The following ERICH6 variants were observed in gnomAD, a reference collection of about 807,000 sequenced individuals.
ERICH6 encodes glutamate-rich protein 6.
A neutral mutation model predicts 71.0 loss-of-function variants in ERICH6; 71 were observed. The ratio of observed to expected loss-of-function variants is 1.00; its 90% CI spans 0.83 to 1.22. ERICH6 has a LOEUF of 1.22. Ranked by LOEUF, ERICH6 falls within the 50% of genes most tolerant of loss-of-function variation. The probability of loss-of-function intolerance (pLI) is 0.00; values close to 1 mark genes in which losing one functional copy is unlikely to be tolerated. For missense variants in ERICH6, 808 were observed against 797.2 expected (o/e 1.01, Z -0.16); for synonymous variants, 262 against 278.4 (o/e 0.94, Z 0.59).
chr3:150,688,127 A>C (rs1164049981), intron 3 of ERICH6, among the ~76,000 whole-genome samples: 2 of 152,184 alleles, frequency 1.3e-5, no homozygotes, highest in African/African-American at 4.8e-5. Context: ...CAAAAAGTAA[A>C]TAAACAAATA....
At chr3:150,682,390 C>T (rs879169393) in intron 6 of ERICH6, 74 bp from the exon 7 acceptor site, 41 of 1,069,162 alleles carry the variant, frequency 3.8e-5, no homozygotes, top group Middle Eastern at 2.0e-4. Context: ...AGCAGGAGCA[C>T]GACCCTGGGC....
rs1559924503 is a variant in ERICH6, at chr3:150,703,746, C to CTCCTCCTCCACCTCTTCCTCT, written c.152_153insAGAGGAAGAGGTGGAGGAGGA (p.Glu49_Val55dup). The CTCCTCCTCCACCTCTTCCTCT allele has an allele frequency of 6.3e-7, 1 of 1,592,252 alleles. No homozygotes were observed. The highest frequency in any genetic ancestry group is 8.5e-7 in the Non-Finnish European group (1 of 1,170,578). On this transcript the variant is annotated inframe_insertion, in exon 1 of 14. Transcript: ENST00000295910. Reference sequence around the variant, plus strand: ...ACTCCTCCTCCACCACCTCCTCCTCCTCCTCCTCCACCTCTTCCTCCTCCT... The same window carrying CTCCTCCTCCACCTCTTCCTCT: ...ACTCCTCCTCCACCACCTCCTCCTCCTCCTCCTCCACCTCTTCCTCTTCCTCCTCCACCTCTTCCTCCTCCT...
intron 13 of ERICH6, among the ~76,000 whole-genome samples, chr3:150,660,470 G>T (rs1015493614): frequency 5.3e-5 from 8 of 152,208 alleles, no homozygotes; most frequent in Non-Finnish European, 1.2e-4. Context: ...AAAGTACCCA[G>T]TGGGGGAGGT....
intron 3 of ERICH6, 74 bp downstream of exon 3, chr3:150,698,717 G>A (rs924488134): frequency 2.4e-5 from 30 of 1,229,954 alleles, no homozygotes; most frequent in Non-Finnish European, 3.2e-5. Context: ...TAGCTGTACT[G>A]GCCTTCTACA....
intron 12 of ERICH6, among the ~76,000 whole-genome samples, chr3:150,668,702 G>T (rs986969762): frequency 6.6e-5 from 10 of 152,110 alleles, no homozygotes; most frequent in African/African-American, 2.4e-4. Context: ...AGTTCAAAAA[G>T]TTTAAATTGT....
chr3:150,683,815 C>T (rs1259487637), intron 6 of ERICH6, among the ~76,000 whole-genome samples: 1 of 152,046 alleles, frequency 6.6e-6, no homozygotes, highest in Non-Finnish European at 1.5e-5. Context: ...TGGATCTTCA[C>T]CTGAAGAGGG....
chr3:150,703,668 GTAC>G lies in ERICH6; in HGVS notation c.228_230del (p.Glu76_Tyr77delinsAsp). The stretch of plus-strand genomic sequence containing the variant: ...CACCGATGTCCGTGACCTTCCAGAG[GTAC>G]TCTTCGCTGAACGTCTCAGGGGCCT... On this transcript the variant is annotated inframe_deletion, in exon 1 of 14. Coordinates refer to ENST00000295910, the MANE Select transcript of ERICH6 (RefSeq NM_152394.5). 1 of 1,613,446 alleles carries G rather than the reference GTAC, an allele frequency of 6.2e-7. No individual in the cohort carries two copies. Among genetic ancestry groups the G allele is most frequent in the Middle Eastern group, 1.7e-4 (1 of 6,060 alleles).
chr3:150,675,105 C>A (rs944154768), intron 10 of ERICH6, among the ~76,000 whole-genome samples: 7 of 152,150 alleles, frequency 4.6e-5, no homozygotes, highest in African/African-American at 1.7e-4. Flanking sequence ...TGAACTCCAG[C>A]CTGGGCAACA....
chr3:150,673,666 G>T, intron 11 of ERICH6, among the ~76,000 whole-genome samples: 1 of 152,122 alleles, frequency 6.6e-6, no homozygotes, highest in Non-Finnish European at 1.5e-5. Flanking sequence ...TCAGTTCACT[G>T]CAGCCTCTAC....
Position 150,666,399 on chromosome 3 carries a change from A to T in ERICH6, c.1728+388T>A, listed in dbSNP as rs139191292. ...AGGTCTGGGAAGTGTCTCTAAGGAG[A>T]CAGGGCTTATGATTGGTCTTGAACA... is the stretch of plus-strand genomic sequence containing the variant. On this transcript the variant is annotated intron_variant, in intron 13 of 13. Coordinates refer to ENST00000295910, the MANE Select transcript of ERICH6 (RefSeq NM_152394.5). Among the ~76,000 whole-genome samples, 33 of 152,296 alleles carry T rather than the reference A, an allele frequency of 2.2e-4. No individual in the cohort carries two copies. The East Asian group carries it at 5.6e-3, about 26-fold the overall frequency.
chr3:150,695,408 T>C (rs934250492), intron 3 of ERICH6, among the ~76,000 whole-genome samples: 6 of 151,996 alleles, frequency 3.9e-5, no homozygotes, highest in African/African-American at 1.2e-4. Context: ...TCCCAGGACT[T>C]TGGGAGGCCG....
At chr3:150,687,760 A>T (rs888564386) in intron 3 of ERICH6, among the ~76,000 whole-genome samples, 7 of 152,196 alleles carry the variant, frequency 4.6e-5, no homozygotes, top group African/African-American at 1.7e-4. Context: ...TTAAAATGCA[A>T]GGGACTCATT....
rs759693727 is a variant in ERICH6 at position 150,667,028 on chromosome 3, G to C, written c.1500-13C>G. 1 of 1,602,822 alleles carries C rather than the reference G, an allele frequency of 6.2e-7. No individual in the cohort carries two copies. The highest frequency in any genetic ancestry group is 1.7e-4 in the Middle Eastern group (1 of 6,010). ...ATTGATGTATACCCTGGTCAGGAAG[G>C]AAATGTAAATATCATAAACAGTAAC... On this transcript the variant is annotated splice_polypyrimidine_tract_variant and intron_variant, in intron 12 of 13. Transcript: ENST00000295910.
chr3:150,661,929 G>A (rs893839415), intron 13 of ERICH6, among the ~76,000 whole-genome samples: 9 of 152,044 alleles, frequency 5.9e-5, no homozygotes, highest in African/African-American at 1.9e-4. Flanking sequence ...GTTGAGGAAA[G>A]GAACACAATC....
chr3:150,675,088 A>G (rs1369290575), intron 10 of ERICH6, among the ~76,000 whole-genome samples: 1 of 152,208 alleles, frequency 6.6e-6, no homozygotes, highest in Non-Finnish European at 1.5e-5. Flanking sequence ...AGCCGAGATC[A>G]TGCTACTGAA....
chr3:150,661,992 G>A (rs912286959), intron 13 of ERICH6, among the ~76,000 whole-genome samples: 22 of 152,124 alleles, frequency 1.4e-4, no homozygotes, highest in African/African-American at 5.1e-4. Context: ...CATTAAAAAG[G>A]TTGAAAATCA....
chr3:150,695,831 T>C (rs975865786), intron 3 of ERICH6, among the ~76,000 whole-genome samples: 2 of 151,116 alleles, frequency 1.3e-5, no homozygotes, highest in East Asian at 1.9e-4. Flanking sequence ...ACTAGGTTCC[T>C]GAAAAACAAG....
intron 11 of ERICH6, among the ~76,000 whole-genome samples, chr3:150,669,816 T>C (rs900932262): frequency 6.6e-6 from 1 of 152,152 alleles, no homozygotes; most frequent in Admixed American, 6.5e-5. Context: ...ATTTGACAAG[T>C]TTCAGCCCTC....
At chr3:150,665,930 C>CATCCATCTCTATTTGT (rs369381921) in intron 13 of ERICH6, among the ~76,000 whole-genome samples, 34 of 151,862 alleles carry the variant, frequency 2.2e-4, no homozygotes, top group African/African-American at 8.0e-4. Context: ...TATAGCTATA[C>CATCCATCTCTATTTGT]ATCCATCTCT....
Sources: allele counts gnomAD v4.1 joint callset (sites outside exome capture counted in the v4.1 genomes callset), GRCh38; gene constraint gnomAD v4.1.1; transcripts MANE v1.5; gene names NCBI Gene and HGNC (gene_info 2026-07-23, HGNC 2026-07-21).